Variants in EVA1A observed in about 807,000 individuals in gnomAD.
EVA1A encodes protein eva-1 homolog A.
Under a neutral mutation model 9.8 loss-of-function variants are expected in EVA1A, and 7 were observed. The observed-to-expected ratio is 0.71, with a 90% confidence interval of 0.41 to 1.34. The LOEUF (loss-of-function observed/expected upper bound fraction) is 1.34. EVA1A is among the 40% of genes most tolerant of loss of function. The probability of loss-of-function intolerance (pLI) is 0.01; values close to 1 mark genes in which losing one functional copy is unlikely to be tolerated. For synonymous variants in EVA1A, 90 were observed against 85.6 expected (o/e 1.05, Z -0.28); for missense variants, 206 against 205.9 (o/e 1.00, Z 0.00).
At chr2:75,543,160 C>T (rs570900364) in intron 1 of EVA1A, among the ~76,000 whole-genome samples, 30 of 152,264 alleles carry the variant, frequency 2.0e-4, no homozygotes, top group African/African-American at 6.7e-4. Flanking sequence ...TAATTCTGAC[C>T]GAATCCTGTA....
At chr2:75,561,240 C>T (rs902951599), upstream of EVA1A, 3 of 152,306 alleles carry the variant, frequency 2.0e-5, no homozygotes, top group African/African-American at 7.2e-5. Context: ...GGGACGAGCC[C>T]AGATTTGAAA....
In EVA1A at chr2:75,493,469, C is replaced by G. The variant is rs755547267; in HGVS notation, c.226G>C (p.Glu76Gln). ...RPGKKFLQDR[E>Q]SSSDSSDSED... The stretch of plus-strand genomic sequence containing the variant: ...CTGTCGCTGCTGTCGCTGCTGCTCT[C>G]TCTGTCCTGCAGGAACTTCTTCCCG... The change falls in exon 4 of 4, where the codon GAG (glutamate) becomes CAG (glutamine). Residue 76 changes from glutamate (E) to glutamine (Q), a missense_variant. Physicochemically the swap from Glu to Gln is conservative, Grantham distance 29. Transcript: ENST00000393913. 5 of 1,614,112 alleles carry G rather than the reference C, an allele frequency of 3.1e-6. No homozygotes were observed. The highest frequency in any genetic ancestry group is 2.2e-5 in the East Asian group (1 of 44,890).
chr2:75,552,185 C>T (rs574352723), intron 1 of EVA1A, among the ~76,000 whole-genome samples: 1 of 53,696 alleles, frequency 1.9e-5, no homozygotes, highest in African/African-American at 4.5e-5. Flanking sequence ...GACTCTGTCT[C>T]TTAAAAAAAA....
At chr2:75,494,617 T>C (rs2103763268) in intron 3 of EVA1A, among the ~76,000 whole-genome samples, 1 of 152,302 alleles carries the variant, frequency 6.6e-6, no homozygotes, top group East Asian at 1.9e-4. Context: ...TGGTTGTGAA[T>C]CATCCCTCCA....
chr2:75,501,625 A>G (rs1674421258), intron 3 of EVA1A, among the ~76,000 whole-genome samples: 2 of 152,208 alleles, frequency 1.3e-5, no homozygotes. Flanking sequence ...TGAGCCAATT[A>G]TAGTTATGCC....
intron 3 of EVA1A, among the ~76,000 whole-genome samples, chr2:75,506,527 C>A (rs1674625933): frequency 1.3e-5 from 2 of 152,186 alleles, no homozygotes; most frequent in South Asian, 4.1e-4. Flanking sequence ...ATGCAGGAAG[C>A]TCCCTGATGA....
At chr2:75,531,868 T>C (rs1233291012) in intron 1 of EVA1A, among the ~76,000 whole-genome samples, 5 of 152,074 alleles carry the variant, frequency 3.3e-5, no homozygotes, top group Non-Finnish European at 7.4e-5. Context: ...AAAGAACTTA[T>C]CCACGTAATG....
At chr2:75,509,939 T>A (rs544547166) in intron 3 of EVA1A, among the ~76,000 whole-genome samples, 7 of 152,048 alleles carry the variant, frequency 4.6e-5, no homozygotes, top group Admixed American at 1.3e-4. Flanking sequence ...GGGTGGGAAA[T>A]GGTTTGAAAT....
chr2:75,563,026 C>T (rs923481870), upstream of EVA1A, among the ~76,000 whole-genome samples: 1 of 152,206 alleles, frequency 6.6e-6, no homozygotes, highest in Non-Finnish European at 1.5e-5. Flanking sequence ...AGCACTCTGA[C>T]CCAATCTACC....
chr2:75,497,378 G>C (rs1186604893), intron 3 of EVA1A, among the ~76,000 whole-genome samples: 1 of 152,062 alleles, frequency 6.6e-6, no homozygotes, highest in Non-Finnish European at 1.5e-5. Flanking sequence ...GACATGAAAA[G>C]ACACTTTGCA....
chr2:75,542,890 T>C (rs1379915716), intron 1 of EVA1A, among the ~76,000 whole-genome samples: 1 of 152,096 alleles, frequency 6.6e-6, no homozygotes, highest in East Asian at 1.9e-4. Flanking sequence ...AGGGTAATAG[T>C]TAAAAGTGCT....
intron 3 of EVA1A, among the ~76,000 whole-genome samples, chr2:75,496,405 C>G (rs1674213340): frequency 6.6e-6 from 1 of 151,894 alleles, no homozygotes; most frequent in African/African-American, 2.4e-5. Context: ...AAGCTGAGAG[C>G]CAAATCAAAA....
At chr2:75,562,740 G>A (rs946688988), upstream of EVA1A, among the ~76,000 whole-genome samples, 3 of 152,234 alleles carry the variant, frequency 2.0e-5, no homozygotes, top group Non-Finnish European at 4.4e-5. Flanking sequence ...CAGGCATATG[G>A]AGAGGCTGTG....
At chr2:75,537,686 T>C (rs1675964750) in intron 1 of EVA1A, among the ~76,000 whole-genome samples, 1 of 152,204 alleles carries the variant, frequency 6.6e-6, no homozygotes, top group Non-Finnish European at 1.5e-5. Context: ...GTCATGGAGA[T>C]GGATCCCTCA....
At chr2:75,536,749 C>T (rs1417658555) in intron 1 of EVA1A, among the ~76,000 whole-genome samples, 5 of 152,090 alleles carry the variant, frequency 3.3e-5, no homozygotes, top group Admixed American at 6.5e-5. Context: ...CACAACTCAT[C>T]CAATATGACA....
chr2:75,495,354 T>A (rs1674172762), intron 3 of EVA1A, among the ~76,000 whole-genome samples: 1 of 152,070 alleles, frequency 6.6e-6, no homozygotes, highest in African/African-American at 2.4e-5. Flanking sequence ...AGCATGAGGA[T>A]GAGATGGAGA....
intron 1 of EVA1A, among the ~76,000 whole-genome samples, chr2:75,526,756 T>A (rs1242867163): frequency 1.3e-5 from 2 of 152,336 alleles, no homozygotes; most frequent in Middle Eastern, 3.4e-3. Context: ...AAGGCAAAGA[T>A]GGAATTGCAT....
chr2:75,516,979 G>A (rs1675030934), intron 3 of EVA1A, among the ~76,000 whole-genome samples: 1 of 152,076 alleles, frequency 6.6e-6, no homozygotes, highest in Non-Finnish European at 1.5e-5. Context: ...TGGTGACCTA[G>A]GCCTTCACTG....
rs1676902766 is a variant in EVA1A at position 75,560,929 on chromosome 2, C to A, written c.-441G>T. ...CCAAGCCCCGCAGAAGCTGCAGGAGCCCGAGTCAGTGGGAGGAAAAGGTTG... is the reference window on the plus strand; with the variant it reads ...CCAAGCCCCGCAGAAGCTGCAGGAGACCGAGTCAGTGGGAGGAAAAGGTTG... On this transcript the variant is annotated 5_prime_UTR_variant, in exon 1 of 4. Coordinates refer to ENST00000393913, the MANE Select transcript of EVA1A (RefSeq NM_001135032.2). The A allele has an allele frequency of 6.5e-6, 1 of 153,176 alleles. No individual in the cohort carries two copies. Among genetic ancestry groups the A allele is most frequent in the Non-Finnish European group, 1.5e-5 (1 of 68,664 alleles). 9.5% of individuals were successfully genotyped at this position (153,176 alleles called of 1,614,324 possible).
Sources: allele counts gnomAD v4.1 joint callset (sites outside exome capture counted in the v4.1 genomes callset), GRCh38; gene constraint gnomAD v4.1.1; transcripts MANE v1.5; gene names NCBI Gene and HGNC (gene_info 2026-07-23, HGNC 2026-07-21).